The following ZNF367 variants were observed in gnomAD, a reference collection of about 807,000 sequenced individuals.
The protein encoded by ZNF367 is zinc finger protein 367, also known as C2H2 zinc finger protein ZFF29.
Under a neutral mutation model 31.8 loss-of-function variants are expected in ZNF367, and 11 were observed. The ratio of observed to expected loss-of-function variants is 0.35; its 90% CI spans 0.22 to 0.57. ZNF367 has a LOEUF of 0.57. Ranked by LOEUF, ZNF367 falls within the 20% of genes least tolerant of loss-of-function variation. The pLI is 0.85. For missense variants in ZNF367, 353 were observed against 484.1 expected, an observed-to-expected ratio of 0.73 and a Z score of 2.54; for synonymous variants, 199 against 202.4, an observed-to-expected ratio of 0.98 and a Z score of 0.14.
At chr9:96,402,740 G>A (rs1430792277) in intron 1 of ZNF367, among the ~76,000 whole-genome samples, 1 of 149,748 alleles carries the variant, frequency 6.7e-6, no homozygotes, top group Non-Finnish European at 1.5e-5. Flanking sequence ...CCGGAGTGTT[G>A]GGATTACAGG....
chr9:96,407,371 C>T (rs1259087435), intron 1 of ZNF367: 5 of 1,544,644 alleles, frequency 3.2e-6, no homozygotes, highest in East Asian at 4.5e-5. Context: ...GAAGGAAAGT[C>T]GAGAGGCTCA....
chr9:96,401,389 C>T (rs371351495), intron 1 of ZNF367, among the ~76,000 whole-genome samples: 12 of 151,924 alleles, frequency 7.9e-5, no homozygotes, highest in African/African-American at 1.9e-4. Flanking sequence ...AGGCCGGGCA[C>T]GTGGCTCAAG....
In ZNF367 at chr9:96,388,132, T is replaced by A; in HGVS notation, c.*105A>T. 9.0e-7 allele frequency: 1 copy of A among 1,113,982 alleles called. No individual in the cohort carries two copies. The highest frequency in any genetic ancestry group is 1.3e-6 in the Non-Finnish European group (1 of 787,044). 69.0% of individuals were successfully genotyped at this position (1,113,982 alleles called of 1,614,324 possible). ...ACATTCTTCATAAATTTCTACAGAATAGCAGCCTATGATAAGCAAATAAGG... is the reference window on the plus strand; with the variant it reads ...ACATTCTTCATAAATTTCTACAGAAAAGCAGCCTATGATAAGCAAATAAGG... On this transcript the variant is annotated 3_prime_UTR_variant, in exon 5 of 5. Coordinates refer to ENST00000375256, the MANE Select transcript of ZNF367 (RefSeq NM_153695.4).
At chr9:96,391,328 G>C (rs1383707782) in intron 4 of ZNF367, among the ~76,000 whole-genome samples, 1 of 152,220 alleles carries the variant, frequency 6.6e-6, no homozygotes, top group African/African-American at 2.4e-5. Flanking sequence ...CATCTGTTAA[G>C]TTGGTCCCAG....
At chr9:96,403,321 G>A (rs959925498) in intron 1 of ZNF367, among the ~76,000 whole-genome samples, 6 of 152,084 alleles carry the variant, frequency 3.9e-5, no homozygotes, top group Non-Finnish European at 7.4e-5. Flanking sequence ...AGGGAAAAAA[G>A]AAAATACCTT....
chr9:96,401,342 A>G (rs1390095762), intron 1 of ZNF367, among the ~76,000 whole-genome samples: 1 of 152,128 alleles, frequency 6.6e-6, no homozygotes, highest in Non-Finnish European at 1.5e-5. Context: ...CCTGACCAAC[A>G]TGGCGAAACC....
At chr9:96,406,005 T>C (rs1178426417) in intron 1 of ZNF367, among the ~76,000 whole-genome samples, 3 of 152,226 alleles carry the variant, frequency 2.0e-5, no homozygotes, top group Non-Finnish European at 4.4e-5. Flanking sequence ...TGCATCAACA[T>C]TGGTTCATTA....
intron 1 of ZNF367, among the ~76,000 whole-genome samples, chr9:96,411,250 T>G (rs978182993): frequency 6.6e-6 from 1 of 152,064 alleles, no homozygotes; most frequent in Non-Finnish European, 1.5e-5. Flanking sequence ...CCTAGTATTT[T>G]TACATATGTA....
At chr9:96,392,375 G>A in intron 4 of ZNF367, 23 bp downstream of exon 4, 2 of 1,614,056 alleles carry the variant, frequency 1.2e-6, no homozygotes, top group Non-Finnish European at 1.7e-6. Context: ...TCTTCACGGT[G>A]GACTAAAGGC....
At chr9:96,415,148 G>T (rs567967935) in intron 1 of ZNF367, among the ~76,000 whole-genome samples, 1 of 150,490 alleles carries the variant, frequency 6.6e-6, no homozygotes, top group Middle Eastern at 3.5e-3. Context: ...TCCGCCTCCC[G>T]GGTTCACGCC....
chr9:96,409,704 C>T (rs570485409), intron 1 of ZNF367, among the ~76,000 whole-genome samples: 2 of 152,208 alleles, frequency 1.3e-5, no homozygotes, highest in African/African-American at 2.4e-5. Context: ...ATCTTCTTTA[C>T]TCCTTGGCTG....
chr9:96,411,071 C>T (rs1031220727), intron 1 of ZNF367, among the ~76,000 whole-genome samples: 1 of 151,336 alleles, frequency 6.6e-6, no homozygotes, highest in Non-Finnish European at 1.5e-5. Flanking sequence ...TGGTGGCATA[C>T]ACCTGTGGTC....
At position 96,416,329 on chromosome 9, in the gene ZNF367, G is replaced by A. The variant is rs201830225; in HGVS notation, c.420+1284C>T. Reference sequence around the variant, plus strand: ...TCTTGATCTCCTGACCTCGTGATCCGCCCGCCTCTGCCTCGCAAAGTTCTG... The same window carrying A: ...TCTTGATCTCCTGACCTCGTGATCCACCCGCCTCTGCCTCGCAAAGTTCTG... On this transcript the variant is annotated intron_variant, in intron 1 of 4. Coordinates refer to ENST00000375256, the MANE Select transcript of ZNF367 (RefSeq NM_153695.4). 2.8e-4 allele frequency among the ~76,000 whole-genome samples: 43 copies of A among 151,708 alleles called. No individual in the cohort carries two copies. In the East Asian group the frequency reaches 7.8e-3, roughly 27 times the overall value.
At position 96,417,693 on chromosome 9, in the gene ZNF367, G is replaced by T; in HGVS notation, c.340C>A (p.Pro114Thr). 4 of 1,141,318 alleles carry T rather than the reference G, an allele frequency of 3.5e-6. No homozygotes were observed. The highest frequency in any genetic ancestry group is 4.4e-6 in the Non-Finnish European group (4 of 914,432). 70.7% of individuals were successfully genotyped at this position (1,141,318 alleles called of 1,614,324 possible). ...GCGGCGGCGGAGGCCGAGGCGGCGGGCGGGGGCGCGCCCCGGCCACGAAGC... is the reference window on the plus strand; with the variant it reads ...GCGGCGGCGGAGGCCGAGGCGGCGGTCGGGGGCGCGCCCCGGCCACGAAGC... ...SGLRGRGAPP[P>T]AASASAAASG... The change falls in exon 1 of 5, where the codon CCC (proline) becomes ACC (threonine). Residue 114 changes from proline to threonine, a missense_variant. Around this residue, in one of 5 missense-constraint regions of ZNF367, gnomAD observed 70 missense variants for 57.1 expected, o/e 1.23. Transcript: ENST00000375256. The surrounding 1 kb of genome is among the most constrained non-coding windows in gnomAD (Gnocchi z 5.0).
chr9:96,390,727 C>T (rs971828588), intron 4 of ZNF367, among the ~76,000 whole-genome samples: 1 of 151,678 alleles, frequency 6.6e-6, no homozygotes, highest in Non-Finnish European at 1.5e-5. Context: ...CTACAAAAAA[C>T]TTAAAAATTA....
At chr9:96,403,065 G>A (rs1465761129) in intron 1 of ZNF367, among the ~76,000 whole-genome samples, 3 of 151,940 alleles carry the variant, frequency 2.0e-5, no homozygotes, top group African/African-American at 7.3e-5. Context: ...CACCTCCCAG[G>A]TTCCAGCAAT....
chr9:96,405,739 A>C (rs1381550767), intron 1 of ZNF367, among the ~76,000 whole-genome samples: 1 of 152,216 alleles, frequency 6.6e-6, no homozygotes, highest in African/African-American at 2.4e-5. Flanking sequence ...TATCCAGAAT[A>C]GGTAAATCCA....
chr9:96,392,320 G>C, intron 4 of ZNF367, 78 bp downstream of exon 4: 1 of 1,594,662 alleles, frequency 6.3e-7, no homozygotes, highest in African/African-American at 1.3e-5. Context: ...TTTAAAATGA[G>C]AGGCATGTCC....
chr9:96,418,037 C>T lies in ZNF367; in HGVS notation c.-5G>A. On this transcript the variant is annotated 5_prime_UTR_variant, in exon 1 of 5. Coordinates refer to ENST00000375256, the MANE Select transcript of ZNF367 (RefSeq NM_153695.4). Reference sequence around the variant, plus strand: ...CGCCTCGAAGCCCCGGATCATCGCCCGGCCCGACCCCCAGCTCCGGCGGCC... The same window carrying T: ...CGCCTCGAAGCCCCGGATCATCGCCTGGCCCGACCCCCAGCTCCGGCGGCC... 1 of 1,363,228 alleles carries T rather than the reference C, an allele frequency of 7.3e-7. No homozygotes were observed. The highest frequency in any genetic ancestry group is 9.4e-7 in the Non-Finnish European group (1 of 1,064,338). 84.4% of individuals were successfully genotyped at this position (1,363,228 alleles called of 1,614,324 possible). A position where few individuals can be genotyped will look rare whatever the true frequency, so the allele number is the denominator to read the frequency against.
Sources: gnomAD v4.1 joint callset for allele counts (sites outside exome capture counted in the v4.1 genomes callset) on GRCh38, gnomAD v4.1.1 for gene constraint, gnomAD v4.1.1 regional missense constraint, Gnocchi (gnomAD v3.1) non-coding constraint, MANE v1.5 for transcripts, NCBI Gene and HGNC (gene_info 2026-07-23, HGNC 2026-07-21) for gene names.